The following FANCC variants were observed in gnomAD, a reference collection of about 807,000 sequenced individuals.
FANCC encodes the protein FA complementation group C, also known as Fanconi anemia group C protein.
A neutral mutation model predicts 71.3 loss-of-function variants in FANCC; 55 were observed. The observed-to-expected ratio is 0.77, with a 90% CI of 0.62 to 0.97. The LOEUF (loss-of-function observed/expected upper bound fraction) is 0.97. Ranked by LOEUF, FANCC falls within the 50% of genes least tolerant of loss-of-function variation. The pLI is 0.00. For synonymous variants in FANCC, 275 were observed against 244.9 expected, an observed-to-expected ratio of 1.12 and a Z score of -1.15; for missense variants, 678 against 670.9, an observed-to-expected ratio of 1.01 and a Z score of -0.12.
At chr9:95,160,337 T>C (rs565389262) in intron 6 of FANCC, among the ~76,000 whole-genome samples, 1 of 152,304 alleles carries the variant, frequency 6.6e-6, no homozygotes, top group South Asian at 2.1e-4. Context: ...TGGATGGCTG[T>C]AGATGTGTGG....
At chr9:95,107,658 C>T (rs1478345461) in intron 13 of FANCC, 10 of 379,960 alleles carry the variant, frequency 2.6e-5, no homozygotes, top group Non-Finnish European at 4.5e-5. Context: ...GTCAGACCTC[C>T]GCCGAGCCAG....
At chr9:95,283,194 T>C (rs1278748813) in intron 1 of FANCC, among the ~76,000 whole-genome samples, 1 of 152,174 alleles carries the variant, frequency 6.6e-6, no homozygotes, top group Non-Finnish European at 1.5e-5. Context: ...GGGATCCTCC[T>C]CCTCAGCCTC....
chr9:95,122,528 CTGTT>C (rs1401340432), intron 10 of FANCC, among the ~76,000 whole-genome samples: 1 of 152,110 alleles, frequency 6.6e-6, no homozygotes, highest in Non-Finnish European at 1.5e-5. Context: ...TGGTGAATTC[CTGTT>C]TGTTTTTGGA....
At chr9:95,117,815 C>T (rs1490514315) in intron 10 of FANCC, among the ~76,000 whole-genome samples, 2 of 151,726 alleles carry the variant, frequency 1.3e-5, no homozygotes, top group Non-Finnish European at 2.9e-5. Flanking sequence ...CCTCTGGCTC[C>T]CGGGTTCAAG....
chr9:95,153,140 C>T (rs539628545), intron 6 of FANCC, among the ~76,000 whole-genome samples: 2 of 152,320 alleles, frequency 1.3e-5, no homozygotes, highest in East Asian at 1.9e-4. Context: ...TGTTACTTCA[C>T]TTAAAATAAT....
At chr9:95,280,095 A>C (rs1300372929) in intron 1 of FANCC, among the ~76,000 whole-genome samples, 4 of 152,194 alleles carry the variant, frequency 2.6e-5, no homozygotes, top group Admixed American at 6.5e-5. Context: ...GATAGAAAAG[A>C]TATGTCATGC....
At chr9:95,289,546 A>T (rs1833885107) in intron 1 of FANCC, among the ~76,000 whole-genome samples, 1 of 152,214 alleles carries the variant, frequency 6.6e-6, no homozygotes. Context: ...ATTCTAAATG[A>T]TTCTTCTCCA....
intron 4 of FANCC, among the ~76,000 whole-genome samples, chr9:95,216,383 A>G (rs1458523860): frequency 3.3e-5 from 5 of 152,260 alleles, no homozygotes; most frequent in African/African-American, 1.2e-4. Flanking sequence ...TTAATAACTC[A>G]TAATTGGAGG....
intron 4 of FANCC, among the ~76,000 whole-genome samples, chr9:95,205,436 T>C (rs766190632): frequency 1.3e-5 from 2 of 152,142 alleles, no homozygotes; most frequent in Admixed American, 6.5e-5. Flanking sequence ...GAACAGTGTC[T>C]ATAATTTAAA....
intron 10 of FANCC, chr9:95,123,812 C>T (rs1825504995): frequency 1.5e-6 from 1 of 689,008 alleles, no homozygotes; most frequent in Non-Finnish European, 2.7e-6. Context: ...CTGAACACCC[C>T]TACTCCAATT....
At chr9:95,195,251 T>C (rs1165855414) in intron 4 of FANCC, among the ~76,000 whole-genome samples, 1 of 150,592 alleles carries the variant, frequency 6.6e-6, no homozygotes, top group Non-Finnish European at 1.5e-5. Flanking sequence ...GAGCCTTTTT[T>C]TTTTTTTTTG....
chr9:95,233,819 T>C (rs1277220044), intron 4 of FANCC, among the ~76,000 whole-genome samples: 1 of 152,130 alleles, frequency 6.6e-6, no homozygotes, highest in Non-Finnish European at 1.5e-5. Context: ...AAATCAAGCT[T>C]TATTAATATT....
rs1045232800 is a variant in FANCC, at chr9:95,100,517, C to T, written c.*1190G>A. The T allele has an allele frequency of 4.3e-6, 1 of 232,168 alleles. No homozygotes were observed. Among genetic ancestry groups the T allele is most frequent in the African/African-American group, 2.2e-5 (1 of 45,294 alleles). The allele number at this position is 232,168 out of a possible 1,614,324, so 14.4% of individuals were successfully genotyped here. ...ATGGACAAAAGCAAGTCTTGACTCACTTGACAAACAGAATAGACACAAAAG... is the reference window on the plus strand; with the variant it reads ...ATGGACAAAAGCAAGTCTTGACTCATTTGACAAACAGAATAGACACAAAAG... On this transcript the variant is annotated 3_prime_UTR_variant, in exon 15 of 15. Coordinates refer to ENST00000289081, the MANE Select transcript of FANCC (RefSeq NM_000136.3).
At chr9:95,270,733 A>G (rs1832669272) in intron 1 of FANCC, among the ~76,000 whole-genome samples, 1 of 152,276 alleles carries the variant, frequency 6.6e-6, no homozygotes, top group African/African-American at 2.4e-5. Context: ...TAACATAGGT[A>G]AAGTAGAAAA....
At chr9:95,133,005 A>G (rs1402284176) in intron 8 of FANCC, among the ~76,000 whole-genome samples, 1 of 152,246 alleles carries the variant, frequency 6.6e-6, no homozygotes, top group Admixed American at 6.5e-5. Flanking sequence ...TGTAATAGGC[A>G]TCAGGTTTCC....
chr9:95,123,566 G>A (rs755885867), intron 10 of FANCC: 29 of 559,160 alleles, frequency 5.2e-5, no homozygotes, highest in Non-Finnish European at 7.7e-5. Context: ...AAAGGGCCGC[G>A]GCCACGTGCA....
At chr9:95,171,018 C>G (rs1825643550) in intron 6 of FANCC, 61 bp downstream of exon 6, 3 of 1,354,336 alleles carry the variant, frequency 2.2e-6, no homozygotes, top group African/African-American at 1.4e-5. Flanking sequence ...AAATTTTCCT[C>G]TCATAACCAA....
At chr9:95,140,164 T>C (rs926209220) in intron 7 of FANCC, among the ~76,000 whole-genome samples, 3 of 152,106 alleles carry the variant, frequency 2.0e-5, no homozygotes, top group African/African-American at 4.8e-5. Context: ...TTATGTGTAA[T>C]ACATTACTAT....
At chr9:95,117,142 ACT>A (rs1031234126) in intron 11 of FANCC, among the ~76,000 whole-genome samples, 171 bp downstream of exon 11, 1 of 151,952 alleles carries the variant, frequency 6.6e-6, no homozygotes. Context: ...AGCCAAGCAG[ACT>A]CTCATATCAA....
Sources: allele counts gnomAD v4.1 joint callset (sites outside exome capture counted in the v4.1 genomes callset), GRCh38; gene constraint gnomAD v4.1.1; transcripts MANE v1.5; gene names NCBI Gene and HGNC (gene_info 2026-07-23, HGNC 2026-07-21).